NT5DC4: variants seen among roughly 807,000 people sequenced by gnomAD.
NT5DC4 encodes 5'-nucleotidase domain containing 4.
A neutral mutation model predicts 26.6 loss-of-function variants in NT5DC4; 44 were observed. The ratio of observed to expected loss-of-function variants is 1.65; its 90% CI spans 1.30 to 2.13. The LOEUF (loss-of-function observed/expected upper bound fraction) is 2.13. Among genes scored for constraint, NT5DC4 ranks in the 30% most tolerant of loss-of-function variants. The pLI, the probability that NT5DC4 is intolerant of heterozygous loss-of-function variation, is 0.00. For missense variants in NT5DC4, 399 were observed against 228.1 expected, an observed-to-expected ratio of 1.75 and a Z score of -4.83; for synonymous variants, 157 against 86.7, an observed-to-expected ratio of 1.81 and a Z score of -4.51.
intron 16 of NT5DC4, chr2:112,737,294 G>A (rs1679337753): frequency 6.6e-6 from 1 of 151,956 alleles, no homozygotes; most frequent in Non-Finnish European, 1.5e-5. Flanking sequence ...ATTTCTTTAG[G>A]AGCCTCCATA....
downstream of NT5DC4, among the ~76,000 whole-genome samples, chr2:112,741,882 T>A (rs977854694): frequency 1.3e-5 from 2 of 151,086 alleles, no homozygotes; most frequent in African/African-American, 4.9e-5. Flanking sequence ...TGCCTCAGCC[T>A]CCTGAGTATC....
intron 15 of NT5DC4, among the ~76,000 whole-genome samples, chr2:112,728,144 A>G (rs958455919): frequency 1.3e-5 from 2 of 152,340 alleles, no homozygotes; most frequent in East Asian, 1.9e-4. Context: ...TAACAGACGC[A>G]TGGGAAGAGT....
intron 8 of NT5DC4, 120 bp downstream of exon 8, chr2:112,723,588 G>T (rs1677265081): frequency 1.5e-6 from 1 of 682,372 alleles, no homozygotes; most frequent in African/African-American, 1.8e-5. Context: ...GATGGCTGGG[G>T]ATCTTTCTAT....
rs572963233 is a variant in NT5DC4 at position 112,729,689 on chromosome 2, C to T, written c.1329C>T (p.Leu443=). ...ATCTAGACCCTGCCTCCTGCCTCCT[C>T]TCCTGCAACCAGAGGGTGAGTGGCT... ...QANLDPASCL[L]SCNQRFIKRS... The change falls in exon 16 of 17, where the codon CTC becomes CTT. Residue 443 remains leucine, a synonymous_variant. Coordinates refer to ENST00000688554, the MANE Select transcript of NT5DC4 (RefSeq NM_001393655.1). 4.2e-6 allele frequency: 3 copies of T among 717,718 alleles called. No homozygotes were observed. Among genetic ancestry groups the T allele is most frequent in the Non-Finnish European group, 7.8e-6 (3 of 385,156 alleles). 44.5% of individuals were successfully genotyped at this position (717,718 alleles called of 1,614,324 possible). A position where few individuals can be genotyped will look rare whatever the true frequency, so the allele number is the denominator to read the frequency against.
Position 112,723,420 on chromosome 2 carries a change from C to T in NT5DC4, c.624C>T (p.Gly208=), listed in dbSNP as rs1187968799. 1 of 712,084 alleles carries T rather than the reference C, an allele frequency of 1.4e-6. No individual in the cohort carries two copies. The highest frequency in any genetic ancestry group is 2.6e-6 in the Non-Finnish European group (1 of 383,504). 44.1% of individuals were successfully genotyped at this position (712,084 alleles called of 1,614,324 possible). The change falls in exon 8 of 17, where the codon GGC becomes GGT. Residue 208 remains glycine, a splice_region_variant and synonymous_variant. Coordinates refer to ENST00000688554, the MANE Select transcript of NT5DC4 (RefSeq NM_001393655.1). The stretch of plus-strand genomic sequence containing the variant: ...AGGCACTTTGCTCCCTCCTGCAGGG[C>T]TGTCTCAAGAAGACCCTGGAGGACT... The part of the protein sequence containing the change: ...TDAMNNIHQS[G]CLKKTLEDLE...
downstream of NT5DC4, among the ~76,000 whole-genome samples, chr2:112,741,401 C>G (rs1213994225): frequency 6.6e-6 from 1 of 152,176 alleles, no homozygotes; most frequent in Admixed American, 6.5e-5. Context: ...ACACAACCTC[C>G]CAATCCCATT....
intron 13 of NT5DC4, 35 bp from the exon 14 acceptor site, chr2:112,726,203 T>A: frequency 1.4e-6 from 1 of 717,036 alleles, no homozygotes; most frequent in Non-Finnish European, 2.6e-6. Context: ...ACACAGGCCG[T>A]CACTCACCCC....
At chr2:112,739,846 G>A (rs560909165), downstream of NT5DC4, among the ~76,000 whole-genome samples, 3 of 152,206 alleles carry the variant, frequency 2.0e-5, no homozygotes, top group South Asian at 6.2e-4. Flanking sequence ...TAGAGTTGGG[G>A]TCTCCCTATG....
upstream of NT5DC4, among the ~76,000 whole-genome samples, chr2:112,719,266 A>G (rs1676616354): frequency 1.3e-5 from 2 of 152,220 alleles, no homozygotes; most frequent in South Asian, 2.1e-4. Flanking sequence ...TATGGGACTC[A>G]GTGGCATACG....
chr2:112,736,540 C>G (rs1013127535), intron 16 of NT5DC4: 1 of 152,266 alleles, frequency 6.6e-6, no homozygotes, highest in African/African-American at 2.4e-5. Context: ...AACTTTAGCC[C>G]TATCTCTAGA....
In NT5DC4 at chr2:112,722,094, T is replaced by C; in HGVS notation, c.257T>C (p.Phe86Ser). Residue 86 changes from phenylalanine to serine, a missense_variant, in exon 3 of 17, where the codon TTC becomes TCC. Coordinates refer to ENST00000688554, the MANE Select transcript of NT5DC4 (RefSeq NM_001393655.1). ...CTGCGCTACACCTACGACCCCACCT[T>C]CCCCACCAGGTGTGTGGCTCAGGAC... ...EILRYTYDPT[F>S]PTRRLVFDEL... 2 of 716,938 alleles carry C rather than the reference T, an allele frequency of 2.8e-6. No homozygotes were observed. The highest frequency in any genetic ancestry group is 5.2e-6 in the Non-Finnish European group (2 of 385,056). 44.4% of individuals were successfully genotyped at this position (716,938 alleles called of 1,614,324 possible). A position where few individuals can be genotyped will look rare whatever the true frequency, so the allele number is the denominator to read the frequency against.
intron 16 of NT5DC4, among the ~76,000 whole-genome samples, chr2:112,732,872 T>A (rs1427986572): frequency 6.6e-6 from 1 of 152,182 alleles, no homozygotes; most frequent in African/African-American, 2.4e-5. Context: ...AGTCCCTCGC[T>A]CATAGGCCTC....
Position 112,721,974 on chromosome 2 carries a change from G to A in NT5DC4, c.149-12G>A, listed in dbSNP as rs771878856. The stretch of plus-strand genomic sequence containing the variant: ...GGGCACCAAAGCCCTGATTCTGTCC[G>A]GGCCTCTGCAGCCTACAAGTCCCCA... On this transcript the variant is annotated splice_polypyrimidine_tract_variant and intron_variant, in intron 2 of 16. Transcript: ENST00000688554. 1 of 717,284 alleles carries A rather than the reference G, an allele frequency of 1.4e-6. No individual in the cohort carries two copies. The highest frequency in any genetic ancestry group is 2.6e-6 in the Non-Finnish European group (1 of 385,078). 44.4% of individuals were successfully genotyped at this position (717,284 alleles called of 1,614,324 possible).
chr2:112,721,078 C>T lies in NT5DC4; in HGVS notation c.-2C>T, dbSNP rs17042276. Among the ~76,000 whole-genome samples the T allele has an allele frequency of 0.049, 7,484 of 152,188 alleles. 361 individuals are homozygous for T. The highest frequency in any genetic ancestry group is 0.11 in the Admixed American group (1,681 of 15,290). ...CTTGCCTCCTCCTCACTCTGGGTGA[C>T]GATGGCCAGTGTAGACTGGAGAGAG... On this transcript the variant is annotated 5_prime_UTR_variant, in exon 1 of 17. The change creates a new upstream start codon in the 5' untranslated region. Coordinates refer to ENST00000688554, the MANE Select transcript of NT5DC4 (RefSeq NM_001393655.1).
intron 15 of NT5DC4, among the ~76,000 whole-genome samples, chr2:112,728,680 G>T (rs1558736055): frequency 6.6e-6 from 1 of 152,178 alleles, no homozygotes; most frequent in East Asian, 1.9e-4. Context: ...TGTCTGCTGT[G>T]TTTCCTGCAC....
chr2:112,737,898 A>C (rs1216707425), intron 16 of NT5DC4: 2 of 152,242 alleles, frequency 1.3e-5, no homozygotes, highest in African/African-American at 4.8e-5. Flanking sequence ...TGTTGTTTTA[A>C]GATAATACTT....
At chr2:112,729,827 G>A in intron 16 of NT5DC4, 123 bp downstream of exon 16, 1 of 648,930 alleles carries the variant, frequency 1.5e-6, no homozygotes, top group Non-Finnish European at 2.8e-6. Context: ...TTGTGGGCTT[G>A]TTTTTGTCTG....
rs751726511 is a variant in NT5DC4, at chr2:112,726,241, G to T, written c.1157G>T (p.Arg386Leu). Reference sequence around the variant, plus strand: ...CTGACCCCTGGTGGCTTTTCAGAGCGGTTGGAGGAGCTGAAGAGACTGGAC... The same window carrying T: ...CTGACCCCTGGTGGCTTTTCAGAGCTGTTGGAGGAGCTGAAGAGACTGGAC... ...ELDIWAQEKERLEELKRLDTH... is the reference protein window; with the variant it reads ...ELDIWAQEKELLEELKRLDTH... Residue 386 changes from arginine to leucine, a missense_variant, in exon 14 of 17, where the codon CGG becomes CTG. Coordinates refer to ENST00000688554, the MANE Select transcript of NT5DC4 (RefSeq NM_001393655.1). 2.8e-6 allele frequency: 2 copies of T among 716,834 alleles called. No individual in the cohort carries two copies. Among genetic ancestry groups the T allele is most frequent in the African/African-American group, 1.7e-5 (1 of 57,194 alleles). The allele number at this position is 716,834 out of a possible 1,614,324, so 44.4% of individuals were successfully genotyped here. A position where few individuals can be genotyped will look rare whatever the true frequency, so the allele number is the denominator to read the frequency against.
chr2:112,719,840 T>TCCCC (rs1676656785), upstream of NT5DC4, among the ~76,000 whole-genome samples: 1 of 78,334 alleles, frequency 1.3e-5, no homozygotes, highest in Non-Finnish European at 2.8e-5. Context: ...CCTTCCTTCC[T>TCCCC]TCCCTCCCTC....
Sources: gnomAD v4.1 joint callset for allele counts (sites outside exome capture counted in the v4.1 genomes callset) on GRCh38, gnomAD v4.1.1 for gene constraint, MANE v1.5 for transcripts, NCBI Gene and HGNC (gene_info 2026-07-23, HGNC 2026-07-21) for gene names.